Variants in ARHGAP35 observed in about 807,000 individuals in gnomAD.
ARHGAP35 encodes the protein Rho GTPase activating protein 35.
A neutral mutation model predicts 111.1 loss-of-function variants in ARHGAP35; 15 were observed. The observed-to-expected ratio is 0.13, with a 90% CI of 0.09 to 0.21. The LOEUF (loss-of-function observed/expected upper bound fraction) is 0.21. ARHGAP35 is among the 10% of genes least tolerant of loss of function. ARHGAP35 has a pLI of 1.00. For synonymous variants in ARHGAP35, 643 were observed against 710.3 expected (o/e 0.91, Z 1.51); for missense variants, 1,262 against 1,873.0 (o/e 0.67, Z 6.02).
intron 3 of ARHGAP35, among the ~76,000 whole-genome samples, chr19:46,957,856 G>T (rs1274630575): frequency 6.6e-6 from 1 of 152,224 alleles, no homozygotes; most frequent in African/African-American, 2.4e-5. Flanking sequence ...CATGGTCTCT[G>T]CTATTAGGAG....
At chr19:46,956,019 T>G (rs1373054620) in intron 3 of ARHGAP35, among the ~76,000 whole-genome samples, 1 of 152,150 alleles carries the variant, frequency 6.6e-6, no homozygotes, top group Non-Finnish European at 1.5e-5. Context: ...CAGTCAAAAC[T>G]TTGTTTCATG....
chr19:46,931,663 A>T (rs1404239805), intron 2 of ARHGAP35, among the ~76,000 whole-genome samples: 1 of 152,160 alleles, frequency 6.6e-6, no homozygotes, highest in African/African-American at 2.4e-5. Flanking sequence ...TATGTTGTTC[A>T]TTTTTTTAAA....
At chr19:46,984,566 C>T (rs915302389) in intron 3 of ARHGAP35, among the ~76,000 whole-genome samples, 17 of 152,262 alleles carry the variant, frequency 1.1e-4, no homozygotes, top group African/African-American at 4.1e-4. Flanking sequence ...TTAGTAGTTA[C>T]GATAAATTGC....
intron 2 of ARHGAP35, among the ~76,000 whole-genome samples, chr19:46,928,239 T>C (rs1262544138): frequency 6.6e-6 from 1 of 152,110 alleles, no homozygotes; most frequent in Non-Finnish European, 1.5e-5. Context: ...TAAAAAAAAA[T>C]TACGATAGGC....
chr19:46,874,593 C>T (rs1179573735), intron 1 of ARHGAP35, among the ~76,000 whole-genome samples: 2 of 149,590 alleles, frequency 1.3e-5, no homozygotes, highest in East Asian at 2.0e-4. Context: ...CAACCTCCGC[C>T]TCCTGCGTTC....
At position 47,003,918 on chromosome 19, in the gene ARHGAP35, G is replaced by A. The variant is rs12610905; in HGVS notation, c.*3230G>A. On this transcript the variant is annotated 3_prime_UTR_variant, in exon 7 of 7. Transcript: ENST00000672722. ...GCAGGCCACCAGGCATTCTGGACAC[G>A]CACACACACACACACACACACACAC... 41,934 of 104,244 alleles carry A rather than the reference G, an allele frequency of 0.4. 6,205 individuals are homozygous for A. Among genetic ancestry groups the A allele is most frequent in the African/African-American group, 0.49 (12,860 of 25,982 alleles). 6.5% of individuals were successfully genotyped at this position (104,244 alleles called of 1,614,324 possible). A position where few individuals can be genotyped will look rare whatever the true frequency, so the allele number is the denominator to read the frequency against.
chr19:46,977,963 A>G (rs1382646227), intron 3 of ARHGAP35, among the ~76,000 whole-genome samples: 1 of 152,166 alleles, frequency 6.6e-6, no homozygotes, highest in Non-Finnish European at 1.5e-5. Flanking sequence ...CTATAACAGG[A>G]ACTTAATTTA....
In ARHGAP35 at chr19:46,919,833, C is replaced by A; in HGVS notation, c.1158C>A (p.Thr386=). 1 of 1,613,940 alleles carries A rather than the reference C, an allele frequency of 6.2e-7. No individual in the cohort carries two copies. The highest frequency in any genetic ancestry group is 8.5e-7 in the Non-Finnish European group (1 of 1,179,888). ...FLKWFVVLEE[T]PWDATSHIDN... ...AGTGGTTTGTTGTGCTTGAAGAGAC[C>A]CCATGGGATGCCACCAGTCACATTG... Residue 386 remains threonine (T), a synonymous_variant, in exon 2 of 7, where the codon ACC becomes ACA. Coordinates refer to ENST00000672722, the MANE Select transcript of ARHGAP35 (RefSeq NM_004491.5). This position sits in a 1 kb window ranked among gnomAD's most constrained non-coding sequence, Gnocchi z 6.2.
rs548207270 is a variant in ARHGAP35 at position 46,989,641 on chromosome 19, G to C, written c.4002G>C (p.Pro1334=). 1 of 1,613,910 alleles carries C rather than the reference G, an allele frequency of 6.2e-7. No homozygotes were observed. Among genetic ancestry groups the C allele is most frequent in the Admixed American group, 1.7e-5 (1 of 60,012 alleles). Residue 1334 remains proline (P), a synonymous_variant, in exon 5 of 7, where the codon CCG becomes CCC. Coordinates refer to ENST00000672722, the MANE Select transcript of ARHGAP35 (RefSeq NM_004491.5). The surrounding 1 kb of genome is among the most constrained non-coding windows in gnomAD (Gnocchi z 5.3). Reference sequence around the variant, plus strand: ...CAGAACTGCCTGACCCCCTGGTCCCGTATAACATGCAGATCGACTTGGTGG... The same window carrying C: ...CAGAACTGCCTGACCCCCTGGTCCCCTATAACATGCAGATCGACTTGGTGG... ...FFSELPDPLV[P]YNMQIDLVEA...
chr19:46,924,329 C>G (rs1368321735), intron 2 of ARHGAP35, among the ~76,000 whole-genome samples: 1 of 152,206 alleles, frequency 6.6e-6, no homozygotes, highest in Non-Finnish European at 1.5e-5. Context: ...GGTGCCATCA[C>G]CCTCCCACAG....
rs780026082 is a variant in ARHGAP35, at chr19:46,921,169, C to T, written c.2494C>T (p.Arg832Trp). ...LELPIGLHKK[R>W]IELSVLSYHS... ...ACTACCAATCGGACTGCACAAGAAG[C>T]GGATTGAACTGTCTGTTCTTTCATA... The change falls in exon 2 of 7, where the codon CGG becomes TGG. Residue 832 changes from arginine (R) to tryptophan (W), a missense_variant. Arg to Trp is a moderately radical substitution (Grantham distance 101). Transcript: ENST00000672722. This position sits in a 1 kb window ranked among gnomAD's most constrained non-coding sequence, Gnocchi z 4.3. The T allele has an allele frequency of 1.1e-5, 17 of 1,613,884 alleles. No individual in the cohort carries two copies. The highest frequency in any genetic ancestry group is 1.3e-5 in the African/African-American group (1 of 74,918).
chr19:46,880,088 AAAATAAATAAAT>A (rs112300759), intron 1 of ARHGAP35, among the ~76,000 whole-genome samples: 10 of 151,586 alleles, frequency 6.6e-5, no homozygotes, highest in East Asian at 3.9e-4. Flanking sequence ...AATGTCTCAA[AAAATAAATAAAT>A]AAATAAATAA....
intron 1 of ARHGAP35, among the ~76,000 whole-genome samples, chr19:46,900,044 G>A (rs999345643): frequency 6.6e-6 from 1 of 152,068 alleles, no homozygotes; most frequent in African/African-American, 2.4e-5. Flanking sequence ...AATTGAATTT[G>A]TTGATTACCT....
chr19:46,962,094 T>A lies in ARHGAP35; in HGVS notation c.3826+24686T>A, dbSNP rs892409460. Among the ~76,000 whole-genome samples the A allele has an allele frequency of 1.2e-4, 19 of 152,196 alleles. 1 individual carries two copies. Among genetic ancestry groups the A allele is most frequent in the African/African-American group, 2.4e-5 (1 of 41,450 alleles). On this transcript the variant is annotated intron_variant, in intron 3 of 6. Coordinates refer to ENST00000672722, the MANE Select transcript of ARHGAP35 (RefSeq NM_004491.5). ...CTGGAATGCTGGGATGTTTTGTGTC[T>A]TGATCTGTGGGTGCTGTTTACACAA...
At chr19:46,896,435 G>A (rs908158601) in intron 1 of ARHGAP35, among the ~76,000 whole-genome samples, 7 of 152,168 alleles carry the variant, frequency 4.6e-5, no homozygotes, top group Non-Finnish European at 8.8e-5. Flanking sequence ...GCAGCATAAG[G>A]TACATATACA....
At chr19:46,905,254 G>A (rs1388103343) in intron 1 of ARHGAP35, among the ~76,000 whole-genome samples, 3 of 152,200 alleles carry the variant, frequency 2.0e-5, no homozygotes, top group South Asian at 2.1e-4. Flanking sequence ...TAGGTTGGGC[G>A]TGGTGGCTCA....
Position 46,919,997 on chromosome 19 carries a change from A to G in ARHGAP35, c.1322A>G (p.Glu441Gly). The change falls in exon 2 of 7, where the codon GAG (glutamate) becomes GGG (glycine). Residue 441 changes from glutamate (E) to glycine (G), a missense_variant. Glu to Gly is a moderately conservative substitution (Grantham distance 98, BLOSUM62 -2). Transcript: ENST00000672722. The surrounding 1 kb of genome is among the most constrained non-coding windows in gnomAD (Gnocchi z 6.2). Reference protein sequence around the residue: ...EMRRAFKENLETSPFITPGKP... With the variant: ...EMRRAFKENLGTSPFITPGKP... The stretch of plus-strand genomic sequence containing the variant: ...CGAAGGGCGTTTAAAGAAAACCTGG[A>G]GACTTCTCCTTTCATAACTCCCGGA... 1 of 1,614,008 alleles carries G rather than the reference A, an allele frequency of 6.2e-7. No individual in the cohort carries two copies. Among genetic ancestry groups the G allele is most frequent in the East Asian group, 2.2e-5 (1 of 44,882 alleles).
intron 1 of ARHGAP35, among the ~76,000 whole-genome samples, chr19:46,872,425 GTT>G (rs373370367): frequency 1.4e-5 from 2 of 139,774 alleles, no homozygotes; most frequent in Admixed American, 7.1e-5. Context: ...GATTAAACAA[GTT>G]TTTTTTTTTT....
intron 1 of ARHGAP35, among the ~76,000 whole-genome samples, chr19:46,885,852 G>A (rs532826497): frequency 2.0e-5 from 3 of 152,048 alleles, no homozygotes; most frequent in South Asian, 4.1e-4. Context: ...GGCTGGACTC[G>A]AATTCCCAGG....
Sources: gnomAD v4.1 joint callset for allele counts (sites outside exome capture counted in the v4.1 genomes callset) on GRCh38, gnomAD v4.1.1 for gene constraint, Gnocchi (gnomAD v3.1) non-coding constraint, MANE v1.5 for transcripts, NCBI Gene and HGNC (gene_info 2026-07-23, HGNC 2026-07-21) for gene names.